The following VRK2 variants were observed in gnomAD, a reference collection of about 807,000 sequenced individuals.
The protein encoded by VRK2 is VRK serine/threonine kinase 2.
VRK2 carries 60 observed loss-of-function variants against 57.6 expected under a neutral mutation model. The observed-to-expected ratio is 1.04, with a 90% CI of 0.85 to 1.29. The LOEUF (loss-of-function observed/expected upper bound fraction) is 1.29, where lower values mean the gene tolerates loss of function less well. Among genes scored for constraint, VRK2 ranks in the 50% most tolerant of loss-of-function variants. The pLI, the probability that VRK2 is intolerant of heterozygous loss-of-function variation, is 0.00. For synonymous variants in VRK2, 231 were observed against 199.2 expected (o/e 1.16, Z -1.35); for missense variants, 705 against 588.1 (o/e 1.20, Z -2.06).
chr2:57,971,714 A>C (rs1672103651), intron 1 of VRK2, among the ~76,000 whole-genome samples: 3 of 151,770 alleles, frequency 2.0e-5, no homozygotes, highest in Admixed American at 1.3e-4. Context: ...TATTTCATTT[A>C]GGGTTGAAAA....
chr2:58,105,262 A>G (rs1355540907), intron 7 of VRK2, among the ~76,000 whole-genome samples: 2 of 152,058 alleles, frequency 1.3e-5, no homozygotes, highest in Non-Finnish European at 2.9e-5. Context: ...AACCAAGTGA[A>G]CAGACAACCT....
At chr2:57,926,665 C>A (rs971440105) in intron 1 of VRK2, among the ~76,000 whole-genome samples, 4 of 151,714 alleles carry the variant, frequency 2.6e-5, no homozygotes, top group Non-Finnish European at 5.9e-5. Context: ...AGCAAAGCTA[C>A]TCCTGCTCTG....
intron 11 of VRK2, among the ~76,000 whole-genome samples, chr2:58,145,865 A>T (rs990936939): frequency 6.6e-6 from 1 of 152,034 alleles, no homozygotes; most frequent in African/African-American, 2.4e-5. Context: ...GAGTGAGAAC[A>T]TGCGGTGTTT....
chr2:58,027,418 C>T (rs1401938361), intron 2 of VRK2, among the ~76,000 whole-genome samples: 1 of 152,066 alleles, frequency 6.6e-6, no homozygotes, highest in Non-Finnish European at 1.5e-5. Context: ...GATAGTATAA[C>T]CTCTAAATTG....
rs547879940 is a variant in VRK2, at chr2:57,946,328, T to C, written c.-439+38489T>C. On this transcript the variant is annotated intron_variant, in intron 1 of 15. Transcript: ENST00000417641. ...AGGACAACTGTCTCCTCTGTTTTTT[T>C]TTGGAAATTTCAACTTTTTATGAGT... 7.2e-5 allele frequency among the ~76,000 whole-genome samples: 11 copies of C among 152,222 alleles called. No individual in the cohort carries two copies. The South Asian group carries it at 2.3e-3, about 32-fold the overall frequency.
intron 1 of VRK2, among the ~76,000 whole-genome samples, chr2:57,955,619 A>T (rs2103986439): frequency 6.6e-6 from 1 of 152,268 alleles, no homozygotes; most frequent in East Asian, 1.9e-4. Context: ...TTATCAAAAA[A>T]CATCTTCTCT....
At chr2:58,023,213 A>G (rs949839655) in intron 1 of VRK2, among the ~76,000 whole-genome samples, 15 of 152,318 alleles carry the variant, frequency 9.8e-5, no homozygotes, top group African/African-American at 3.4e-4. Flanking sequence ...GGCACGTCAA[A>G]TAAGTTGAAT....
At chr2:58,118,263 C>T (rs1384402083) in intron 7 of VRK2, among the ~76,000 whole-genome samples, 2 of 152,210 alleles carry the variant, frequency 1.3e-5, no homozygotes, top group Non-Finnish European at 2.9e-5. Context: ...GGTGAAGGAC[C>T]AAGGCAGGTG....
At chr2:58,144,982 A>G (rs1447916472) in intron 11 of VRK2, among the ~76,000 whole-genome samples, 2 of 152,088 alleles carry the variant, frequency 1.3e-5, no homozygotes, top group South Asian at 2.1e-4. Context: ...TGCCCAGCCA[A>G]TGTAATTCAT....
At chr2:57,953,036 T>A (rs558897292) in intron 1 of VRK2, among the ~76,000 whole-genome samples, 1 of 152,226 alleles carries the variant, frequency 6.6e-6, no homozygotes, top group African/African-American at 2.4e-5. Flanking sequence ...GATAACTTTA[T>A]GCAAATTATA....
chr2:58,115,104 A>G (rs1173810354), intron 7 of VRK2, among the ~76,000 whole-genome samples: 4 of 152,230 alleles, frequency 2.6e-5, no homozygotes, highest in African/African-American at 7.2e-5. Context: ...GAGGCGGGCT[A>G]GTGGCTCGTA....
chr2:58,068,215 T>C (rs1251906707), intron 2 of VRK2, among the ~76,000 whole-genome samples: 2 of 152,120 alleles, frequency 1.3e-5, no homozygotes, highest in African/African-American at 4.8e-5. Flanking sequence ...CAGGCTTTTG[T>C]ACTTCAATAT....
intron 1 of VRK2, among the ~76,000 whole-genome samples, chr2:57,939,714 A>G (rs1671031851): frequency 6.6e-6 from 1 of 152,194 alleles, no homozygotes; most frequent in South Asian, 2.1e-4. Context: ...TAACAATAAT[A>G]TTGCATTTTA....
At chr2:58,157,933 G>T (rs1684213957) in intron 12 of VRK2, among the ~76,000 whole-genome samples, 2 of 152,144 alleles carry the variant, frequency 1.3e-5, no homozygotes, top group Admixed American at 6.5e-5. Context: ...GCCAAATTTT[G>T]GCAACTCCTG....
intron 1 of VRK2, among the ~76,000 whole-genome samples, chr2:57,934,291 T>C (rs960958392): frequency 1.3e-5 from 2 of 152,212 alleles, no homozygotes; most frequent in African/African-American, 4.8e-5. Flanking sequence ...AAGAACTTTC[T>C]GTAGCATTTC....
chr2:57,999,700 T>C (rs375576715), intron 1 of VRK2, among the ~76,000 whole-genome samples: 1 of 152,182 alleles, frequency 6.6e-6, no homozygotes, highest in Admixed American at 6.5e-5. Flanking sequence ...TGTAGAAAGA[T>C]AACAAAATTA....
At chr2:57,940,455 A>T (rs1340350082) in intron 1 of VRK2, among the ~76,000 whole-genome samples, 3 of 152,164 alleles carry the variant, frequency 2.0e-5, no homozygotes, top group African/African-American at 7.2e-5. Context: ...TAAAGTGTTA[A>T]TCTTATCTGG....
intron 1 of VRK2, among the ~76,000 whole-genome samples, chr2:58,003,883 T>C (rs562347978): frequency 6.6e-5 from 10 of 152,284 alleles, no homozygotes; most frequent in Admixed American, 6.5e-4. Context: ...CTATAACTTG[T>C]TTACTATAAC....
chr2:57,960,948 G>T (rs1399156520), intron 1 of VRK2, among the ~76,000 whole-genome samples: 2 of 152,198 alleles, frequency 1.3e-5, no homozygotes, highest in Admixed American at 1.3e-4. Flanking sequence ...CTTCCACTGG[G>T]TAGCATGCAT....
Sources: gnomAD v4.1 joint callset for allele counts (sites outside exome capture counted in the v4.1 genomes callset) on GRCh38, gnomAD v4.1.1 for gene constraint, MANE v1.5 for transcripts, NCBI Gene and HGNC (gene_info 2026-07-23, HGNC 2026-07-21) for gene names.